The following RGSL1 variants were observed in gnomAD, a reference collection of about 807,000 sequenced individuals.
RGSL1 encodes the protein regulator of G protein signaling protein-like.
RGSL1 carries 97 observed loss-of-function variants against 124.7 expected under a neutral mutation model. The observed-to-expected ratio is 0.78, with a 90% CI of 0.66 to 0.92. RGSL1 has a LOEUF of 0.92. Ranked by LOEUF, RGSL1 falls within the 40% of genes least tolerant of loss-of-function variation. The pLI is 0.00. For synonymous variants in RGSL1, 424 were observed against 438.1 expected (o/e 0.97, Z 0.40); for missense variants, 1,233 against 1,288.4 (o/e 0.96, Z 0.66).
chr1:182,509,426 CT>C (rs1657145141), intron 9 of RGSL1, among the ~76,000 whole-genome samples: 2 of 24,314 alleles, frequency 8.2e-5, no homozygotes, highest in African/African-American at 1.7e-4. Flanking sequence ...GACGGGGCGG[CT>C]GGCCGGGCAG....
At chr1:182,520,866 A>G (rs1291850207) in intron 9 of RGSL1, among the ~76,000 whole-genome samples, 1 of 152,180 alleles carries the variant, frequency 6.6e-6, no homozygotes, top group African/African-American at 2.4e-5. Flanking sequence ...GTGTGGGTAC[A>G]TTCTATTTAA....
chr1:182,460,731 A>G (rs1652757019), intron 4 of RGSL1: 1 of 455,896 alleles, frequency 2.2e-6, no homozygotes, highest in African/African-American at 2.0e-5. Context: ...TCTAGACAAC[A>G]ATTGTACTGG....
At chr1:182,450,128 C>T (rs1651694429), upstream of RGSL1, 5 of 1,551,432 alleles carry the variant, frequency 3.2e-6, no homozygotes, top group East Asian at 4.9e-5. Flanking sequence ...GGTAATTCTG[C>T]CCCTAACAAA....
intron 11 of RGSL1, among the ~76,000 whole-genome samples, chr1:182,528,624 T>G (rs1658933293): frequency 6.6e-6 from 1 of 152,180 alleles, no homozygotes; most frequent in Non-Finnish European, 1.5e-5. Flanking sequence ...AGGGCAGTCA[T>G]TAAACCTTAA....
Position 182,554,645 on chromosome 1 carries a change from C to A in RGSL1, c.3149C>A (p.Thr1050Asn), listed in dbSNP as rs973741067. 1.9e-6 allele frequency: 3 copies of A among 1,551,570 alleles called. No individual in the cohort carries two copies. In the African/African-American group the frequency reaches 4.1e-5, roughly 21 times the overall value. ...SVQNSSSSKL[T>N]QPRLVVSAMQ... ...TCTTTAGCTTCATCAAGCAAACTTA[C>A]TCAGCCAAGACTCGTGGTATCTGCC... Residue 1050 changes from threonine to asparagine, a missense_variant, in exon 20 of 22, where the codon ACT becomes AAT. Physicochemically the swap from Thr to Asn is moderately conservative, Grantham distance 65. Transcript: ENST00000294854.
intron 9 of RGSL1, among the ~76,000 whole-genome samples, chr1:182,499,874 A>G (rs561360353): frequency 6.6e-6 from 1 of 152,234 alleles, no homozygotes; most frequent in South Asian, 2.1e-4. Context: ...GTGGCAACAA[A>G]TTCTCTTAGC....
intron 6 of RGSL1, among the ~76,000 whole-genome samples, chr1:182,487,843 T>G (rs1279113612): frequency 6.6e-6 from 1 of 152,190 alleles, no homozygotes; most frequent in Non-Finnish European, 1.5e-5. Context: ...GTTTTATTGT[T>G]GTGTGTTTGT....
At chr1:182,470,573 A>G (rs544856403) in intron 4 of RGSL1, among the ~76,000 whole-genome samples, 8 of 152,098 alleles carry the variant, frequency 5.3e-5, no homozygotes, top group African/African-American at 1.9e-4. Flanking sequence ...AACCACTACC[A>G]ATTTCTTTTA....
intron 6 of RGSL1, among the ~76,000 whole-genome samples, chr1:182,479,247 T>A (rs1244601731): frequency 6.6e-6 from 1 of 152,188 alleles, no homozygotes; most frequent in Non-Finnish European, 1.5e-5. Context: ...CACTAGTGTG[T>A]AAATTAAGAC....
At position 182,518,262 on chromosome 1, in the gene RGSL1, C is replaced by T. The variant is rs115587525; in HGVS notation, c.1826-3742C>T. On this transcript the variant is annotated intron_variant, in intron 9 of 21. Transcript: ENST00000294854. The stretch of plus-strand genomic sequence containing the variant: ...TTGCCCAAGCTGGTCTACTAGGTCA[C>T]AGCCTCCTTTTCAGCTCTAGGAGGT... Among the ~76,000 whole-genome samples the T allele has an allele frequency of 6.3e-3, 961 of 152,202 alleles. 4 individuals carry two copies. The highest frequency in any genetic ancestry group is 0.022 in the African/African-American group (915 of 41,506).
chr1:182,551,048 G>T, intron 17 of RGSL1, 52 bp from the exon 18 acceptor site: 1 of 1,259,922 alleles, frequency 7.9e-7, no homozygotes, highest in Non-Finnish European at 1.1e-6. Context: ...CGGTGCTCCA[G>T]CCCCCTCCAC....
intron 4 of RGSL1, among the ~76,000 whole-genome samples, chr1:182,467,263 A>T (rs1653416609): frequency 6.6e-6 from 1 of 152,270 alleles, no homozygotes; most frequent in Non-Finnish European, 1.5e-5. Flanking sequence ...TTGGAAAAAA[A>T]CTGCTTTAAA....
At chr1:182,523,651 T>C (rs1468945770) in intron 10 of RGSL1, among the ~76,000 whole-genome samples, 1 of 152,184 alleles carries the variant, frequency 6.6e-6, no homozygotes, top group Non-Finnish European at 1.5e-5. Context: ...CCAAGCAGAA[T>C]AGCTCAGGGA....
intron 13 of RGSL1, 29 bp downstream of exon 13, chr1:182,530,939 A>C: frequency 1.3e-6 from 2 of 1,535,742 alleles, no homozygotes; most frequent in Non-Finnish European, 1.8e-6. Context: ...GAAACAAGAC[A>C]TTAGAGACAA....
At chr1:182,508,550 C>T (rs1284090529) in intron 9 of RGSL1, among the ~76,000 whole-genome samples, 6 of 151,900 alleles carry the variant, frequency 3.9e-5, no homozygotes, top group Non-Finnish European at 8.8e-5. Context: ...CCACCCGCCT[C>T]AGCCTCCCAA....
At chr1:182,547,688 C>T (rs1407436003) in intron 15 of RGSL1, among the ~76,000 whole-genome samples, 1 of 152,046 alleles carries the variant, frequency 6.6e-6, no homozygotes, top group Non-Finnish European at 1.5e-5. Context: ...GGTGAAATCC[C>T]GTCTCTACTA....
intron 9 of RGSL1, among the ~76,000 whole-genome samples, chr1:182,504,309 G>A (rs918582325): frequency 3.3e-5 from 5 of 151,536 alleles, no homozygotes; most frequent in African/African-American, 1.2e-4. Flanking sequence ...ACTCTCTTTC[G>A]GTTAGACATA....
At chr1:182,486,308 TA>T (rs1173292996) in intron 6 of RGSL1, among the ~76,000 whole-genome samples, 1 of 150,440 alleles carries the variant, frequency 6.6e-6, no homozygotes, top group African/African-American at 2.5e-5. Context: ...GGTAGAGTCA[TA>T]ATTTTTTTTT....
At chr1:182,536,841 A>G (rs545060984) in intron 14 of RGSL1, among the ~76,000 whole-genome samples, 6 of 152,294 alleles carry the variant, frequency 3.9e-5, no homozygotes, top group African/African-American at 9.6e-5. Context: ...ACCTGCCCCC[A>G]TGATTCAATT....
Sources: allele counts gnomAD v4.1 joint callset (sites outside exome capture counted in the v4.1 genomes callset), GRCh38; gene constraint gnomAD v4.1.1; transcripts MANE v1.5; gene names NCBI Gene and HGNC (gene_info 2026-07-23, HGNC 2026-07-21).